PIEZO1: variants seen among roughly 807,000 people sequenced by gnomAD.
The protein encoded by PIEZO1 is piezo-type mechanosensitive ion channel component 1.
A neutral mutation model predicts 297.2 loss-of-function variants in PIEZO1; 296 were observed. The ratio of observed to expected loss-of-function variants is 1.00; its 90% CI spans 0.91 to 1.10. The LOEUF is 1.10. Ranked by LOEUF, PIEZO1 falls within the 50% of genes least tolerant of loss-of-function variation. PIEZO1 has a pLI of 0.00. For synonymous variants in PIEZO1, 2,427 were observed against 1,507.5 expected, an observed-to-expected ratio of 1.61 and a Z score of -14.13; for missense variants, 5,018 against 3,455.5, an observed-to-expected ratio of 1.45 and a Z score of -11.34.
Position 88,733,468 on chromosome 16 carries a change from G to C in PIEZO1, c.2488-14C>G. On this transcript the variant is annotated splice_polypyrimidine_tract_variant and intron_variant, in intron 18 of 50. Coordinates refer to ENST00000301015, the MANE Select transcript of PIEZO1 (RefSeq NM_001142864.4). Reference sequence around the variant, plus strand: ...CATCACCGACACCTGAGGGCAGTGGGCACGTGGGGCTGGGCTTGGGGAGGG... The same window carrying C: ...CATCACCGACACCTGAGGGCAGTGGCCACGTGGGGCTGGGCTTGGGGAGGG... 1.3e-6 allele frequency: 2 copies of C among 1,543,118 alleles called. No individual in the cohort carries two copies. Among genetic ancestry groups the C allele is most frequent in the East Asian group, 2.5e-5 (1 of 40,614 alleles).
At chr16:88,741,699 G>T (rs190691890) in intron 4 of PIEZO1, 83 bp from the exon 5 acceptor site, 6 of 1,172,634 alleles carry the variant, frequency 5.1e-6, no homozygotes, top group Admixed American at 2.5e-5. Flanking sequence ...GGTGCGGGTG[G>T]GAGTGTGGAT....
In PIEZO1 at chr16:88,726,949, A is replaced by G. The variant is rs891603068; in HGVS notation, c.3465T>C (p.Leu1155=). Residue 1155 remains leucine, a synonymous_variant, in exon 25 of 51, where the codon CTT becomes CTC. Coordinates refer to ENST00000301015, the MANE Select transcript of PIEZO1 (RefSeq NM_001142864.4). ...VPNFIHCRSY[L]DMLKVAVFRY... Reference sequence around the variant, plus strand: ...GGAAGACGGCCACCTTCAGCATGTCAAGGTAGGACCTGCCAGGCCGGAGCG... The same window carrying G: ...GGAAGACGGCCACCTTCAGCATGTCGAGGTAGGACCTGCCAGGCCGGAGCG... 1.6e-5 allele frequency: 25 copies of G among 1,550,204 alleles called. No individual in the cohort carries two copies. The highest frequency in any genetic ancestry group is 2.0e-5 in the Non-Finnish European group (23 of 1,146,876).
chr16:88,726,731 G>A lies in PIEZO1; in HGVS notation c.3683C>T (p.Ser1228Phe). 2.6e-6 allele frequency: 4 copies of A among 1,550,026 alleles called. No individual in the cohort carries two copies. Residue 1228 changes from serine to phenylalanine, a missense_variant, in exon 25 of 51, where the codon TCC becomes TTC. Physicochemically the swap from Ser to Phe is radical, Grantham distance 155. Coordinates refer to ENST00000301015, the MANE Select transcript of PIEZO1 (RefSeq NM_001142864.4). ...LILYNVTVII[S>F]KNMLSLLACV... ...GAGGCTCACCGACAGCATGTTCTTG[G>A]AGATGATGACGGTGACGTTGTACAG...
chr16:88,775,174 GC>G (rs1209596162), intron 1 of PIEZO1, among the ~76,000 whole-genome samples: 2 of 152,216 alleles, frequency 1.3e-5, no homozygotes, highest in African/African-American at 4.8e-5. Context: ...CAGGACGCAG[GC>G]CCTGGGGAGA....
chr16:88,763,775 G>C (rs959018066), intron 1 of PIEZO1, among the ~76,000 whole-genome samples: 1 of 152,174 alleles, frequency 6.6e-6, no homozygotes, highest in Non-Finnish European at 1.5e-5. Flanking sequence ...GGGTAAACAA[G>C]GTCGCTCTGT....
chr16:88,755,851 G>C (rs1024856439), intron 1 of PIEZO1, among the ~76,000 whole-genome samples: 25 of 152,234 alleles, frequency 1.6e-4, no homozygotes, highest in African/African-American at 6.0e-4. Context: ...AGTCTGAGGA[G>C]ACAGTGGCGC....
chr16:88,716,448 T>C lies in PIEZO1; in HGVS notation c.6962A>G (p.Asn2321Ser), dbSNP rs772199276. 1 of 1,549,710 alleles carries C rather than the reference T, an allele frequency of 6.5e-7. No individual in the cohort carries two copies. The part of the protein sequence containing the change: ...LAKGGTVEYA[N>S]EKHMLALAPN... ...GGCCAGGGCCAGCATGTGCTTCTCGTTGGCATACTCCACAGTGCCTCCCTT... is the reference window on the plus strand; with the variant it reads ...GGCCAGGGCCAGCATGTGCTTCTCGCTGGCATACTCCACAGTGCCTCCCTT... The change falls in exon 48 of 51, where the codon AAC becomes AGC. Residue 2321 changes from asparagine (N) to serine (S), a missense_variant. Physicochemically the swap from Asn to Ser is conservative, Grantham distance 46. Coordinates refer to ENST00000301015, the MANE Select transcript of PIEZO1 (RefSeq NM_001142864.4).
intron 2 of PIEZO1, among the ~76,000 whole-genome samples, 184 bp downstream of exon 2, chr16:88,749,200 A>G (rs1215561877): frequency 1.3e-5 from 2 of 151,990 alleles, no homozygotes; most frequent in African/African-American, 4.8e-5. Flanking sequence ...AGATCGCGCC[A>G]CTGCACTCCA....
At position 88,738,237 on chromosome 16, in the gene PIEZO1, T is replaced by G; in HGVS notation, c.838A>C (p.Ile280Leu). 1.2e-5 allele frequency: 18 copies of G among 1,535,780 alleles called. No homozygotes were observed. The highest frequency in any genetic ancestry group is 1.6e-5 in the Non-Finnish European group (18 of 1,146,782). The stretch of plus-strand genomic sequence containing the variant: ...GTGGCAAGCCGTTACCTAGCCCAGA[T>G]GCCGGCAGGCGGGAGCAGAGCCTGT... Reference protein sequence around the residue: ...LAQALLPPAGIWARVLGLKDF... With the variant: ...LAQALLPPAGLWARVLGLKDF... The change falls in exon 7 of 51, where the codon ATC becomes CTC. Residue 280 changes from isoleucine to leucine, a missense_variant. Ile to Leu is a conservative substitution (Grantham distance 5). Coordinates refer to ENST00000301015, the MANE Select transcript of PIEZO1 (RefSeq NM_001142864.4).
intron 39 of PIEZO1, 88 bp downstream of exon 39, chr16:88,721,078 G>C (rs1383215770): frequency 1.5e-6 from 2 of 1,309,688 alleles, no homozygotes; most frequent in Non-Finnish European, 1.0e-6. Context: ...CACTGGGCTT[G>C]GCCGTCTCAT....
Position 88,721,693 on chromosome 16 carries a change from C to G in PIEZO1, c.5248G>C (p.Gly1750Arg). The G allele has an allele frequency of 1.3e-6, 2 of 1,548,924 alleles. No individual in the cohort carries two copies. The highest frequency in any genetic ancestry group is 1.7e-6 in the Non-Finnish European group (2 of 1,146,442). The change falls in exon 38 of 51, where the codon GGG becomes CGG. Residue 1750 changes from glycine (G) to arginine (R), a missense_variant. Gly to Arg is a moderately radical substitution (Grantham distance 125, BLOSUM62 -2). Coordinates refer to ENST00000301015, the MANE Select transcript of PIEZO1 (RefSeq NM_001142864.4). ...ACGTGGCTGTTCCAGGGGAAGAACC[C>G]AAACTGGAACAGGTACTTGACGACC... is the stretch of plus-strand genomic sequence containing the variant. ...AVVVKYLFQF[G>R]FFPWNSHVVL...
In PIEZO1 at chr16:88,733,373, G is replaced by C. The variant is rs1026849766; in HGVS notation, c.2569C>G (p.Leu857Val). 1.2e-5 allele frequency: 19 copies of C among 1,549,994 alleles called. No individual in the cohort carries two copies. In the African/African-American group the frequency reaches 2.5e-4, roughly 20 times the overall value. ...YPRFRPMASC[L>V]STVWTCVIIV... ...ATGACGCAGGTCCACACGGTGGACA[G>C]GCAGGAGGCCATGGGCCGGAAGCGT... Residue 857 changes from leucine (L) to valine (V), a missense_variant, in exon 19 of 51, where the codon CTG becomes GTG. Physicochemically the swap from Leu to Val is conservative, Grantham distance 32 (BLOSUM62 1). Coordinates refer to ENST00000301015, the MANE Select transcript of PIEZO1 (RefSeq NM_001142864.4).
chr16:88,762,317 C>T (rs1906970014), intron 1 of PIEZO1, among the ~76,000 whole-genome samples: 1 of 152,186 alleles, frequency 6.6e-6, no homozygotes, highest in African/African-American at 2.4e-5. Flanking sequence ...AGACCTCCCA[C>T]TCAGCTCTCC....
chr16:88,717,009 C>A lies in PIEZO1; in HGVS notation c.6660+14G>T. 1.3e-6 allele frequency: 2 copies of A among 1,550,008 alleles called. No individual in the cohort carries two copies. Among genetic ancestry groups the A allele is most frequent in the Non-Finnish European group, 1.7e-6 (2 of 1,146,650 alleles). On this transcript the variant is annotated intron_variant, in intron 45 of 50. Coordinates refer to ENST00000301015, the MANE Select transcript of PIEZO1 (RefSeq NM_001142864.4). ...AGGGGATGGGAATGGACAGGCGGAC[C>A]CACACATGCTCACCTCATAGCCGCC... is the stretch of plus-strand genomic sequence containing the variant.
chr16:88,759,554 G>A (rs951548900), intron 1 of PIEZO1, among the ~76,000 whole-genome samples: 4 of 152,206 alleles, frequency 2.6e-5, no homozygotes, highest in African/African-American at 9.7e-5. Context: ...GAGGAAGAGA[G>A]GAAGAAGAGC....
chr16:88,724,831 G>A (rs569357290), intron 30 of PIEZO1, among the ~76,000 whole-genome samples, 178 bp downstream of exon 30: 14 of 152,318 alleles, frequency 9.2e-5, no homozygotes, highest in Middle Eastern at 6.8e-3. Flanking sequence ...AGAGGACATA[G>A]TCAGCCCAGG....
Position 88,726,619 on chromosome 16 carries a change from G to A in PIEZO1, c.3724C>T (p.Gln1242Ter). The A allele has an allele frequency of 1.9e-6, 3 of 1,540,208 alleles. No individual in the cohort carries two copies. The highest frequency in any genetic ancestry group is 2.5e-5 in the East Asian group (1 of 40,506). The change falls in exon 26 of 51, where the codon CAG (glutamine) becomes TAG (stop). Residue 1242 changes from glutamine (Q) to a stop codon, truncating the protein, a stop_gained. Coordinates refer to ENST00000301015, the MANE Select transcript of PIEZO1 (RefSeq NM_001142864.4). LOFTEE classifies it high-confidence loss of function. Reference protein sequence around the residue: ...LSLLACVFVEQMQTGFCWVIQ... With the variant: ...LSLLACVFVE Reference sequence around the variant, plus strand: ...ACCCAGCAGAAGCCGGTCTGCATCTGCTCCACGAAGACGCAGGCCAGGAGC... The same window carrying A: ...ACCCAGCAGAAGCCGGTCTGCATCTACTCCACGAAGACGCAGGCCAGGAGC...
intron 44 of PIEZO1, chr16:88,718,498 C>G (rs1465385008): frequency 6.6e-6 from 1 of 152,258 alleles, no homozygotes; most frequent in Non-Finnish European, 1.5e-5. Context: ...TATCATTTGC[C>G]CATAAACAGG....
chr16:88,772,159 T>C lies in PIEZO1; in HGVS notation c.64+12742A>G, dbSNP rs530140839. Among the ~76,000 whole-genome samples the C allele has an allele frequency of 5.3e-5, 8 of 152,244 alleles. No homozygotes were observed. In the East Asian group the frequency reaches 1.5e-3, roughly 29 times the overall value. On this transcript the variant is annotated intron_variant, in intron 1 of 50. Coordinates refer to ENST00000301015, the MANE Select transcript of PIEZO1 (RefSeq NM_001142864.4). ...CTGCGGCCCCAGGCCCTCCTGAGAC[T>C]CTGGGCATGGCTGTCAGAATGACCA...
Sources: allele counts gnomAD v4.1 joint callset (sites outside exome capture counted in the v4.1 genomes callset), GRCh38; gene constraint gnomAD v4.1.1; transcripts MANE v1.5; gene names NCBI Gene and HGNC (gene_info 2026-07-23, HGNC 2026-07-21).